SLC8A1: variants seen among roughly 807,000 people sequenced by gnomAD.
The protein encoded by SLC8A1 is solute carrier family 8 member A1.
In SLC8A1, 18 loss-of-function variants were observed where a neutral mutation model predicts 68.3. The observed-to-expected ratio is 0.26, with a 90% CI of 0.18 to 0.39. The LOEUF is 0.39. Ranked by LOEUF, SLC8A1 falls within the 10% of genes least tolerant of loss-of-function variation. The pLI, the probability that SLC8A1 is intolerant of heterozygous loss-of-function variation, is 1.00. For missense variants in SLC8A1, 985 were observed against 1,156.7 expected, an observed-to-expected ratio of 0.85 and a Z score of 2.15; for synonymous variants, 475 against 415.5, an observed-to-expected ratio of 1.14 and a Z score of -1.74.
chr2:40,457,400 G>A (rs1703086371), intron 1 of SLC8A1, among the ~76,000 whole-genome samples: 1 of 152,032 alleles, frequency 6.6e-6, no homozygotes, highest in African/African-American at 2.4e-5. Flanking sequence ...TATCTCCCTC[G>A]CTGTATCTTC....
chr2:40,242,694 A>G (rs946367342), intron 2 of SLC8A1, among the ~76,000 whole-genome samples: 6 of 152,356 alleles, frequency 3.9e-5, no homozygotes, highest in Non-Finnish European at 8.8e-5. Context: ...AAGCAAACCA[A>G]AATCCAGAGA....
intron 2 of SLC8A1, among the ~76,000 whole-genome samples, chr2:40,369,504 G>C (rs1349867984): frequency 6.6e-6 from 1 of 152,068 alleles, no homozygotes; most frequent in African/African-American, 2.4e-5. Flanking sequence ...CTAATGTTAA[G>C]AGTTCTGTCT....
In SLC8A1 at chr2:40,116,300, G is replaced by A. The variant is rs182470501; in HGVS notation, c.2438-671C>T. Among the ~76,000 whole-genome samples the A allele has an allele frequency of 2.6e-5, 4 of 152,018 alleles. No homozygotes were observed. In the East Asian group the frequency reaches 5.8e-4, roughly 22 times the overall value. On this transcript the variant is annotated intron_variant, in intron 7 of 7. Coordinates refer to ENST00000406785, the Ensembl canonical transcript of SLC8A1. ...CTATATTACTGCATTGATTGTGATG[G>A]TACTTTTTTATTATTATTTTTTATT...
At chr2:40,502,716 T>C (rs1706125717) in intron 1 of SLC8A1, among the ~76,000 whole-genome samples, 1 of 152,052 alleles carries the variant, frequency 6.6e-6, no homozygotes, top group Non-Finnish European at 1.5e-5. Flanking sequence ...ACTTAATTAT[T>C]CATCAAACAT....
chr2:40,104,498 T>C (rs1386836982), exon 8 of SLC8A1: 1 of 152,202 alleles, frequency 6.6e-6, no homozygotes, highest in East Asian at 1.9e-4. Flanking sequence ...AATTAATATT[T>C]CTATTTCTGT....
chr2:40,389,265 A>G (rs919314157), intron 2 of SLC8A1, among the ~76,000 whole-genome samples: 4 of 151,930 alleles, frequency 2.6e-5, no homozygotes, highest in Admixed American at 6.6e-5. Context: ...TTTACCCTTT[A>G]TAATGTTGTG....
At chr2:40,188,305 A>C (rs754531813) in intron 2 of SLC8A1, among the ~76,000 whole-genome samples, 57 of 152,220 alleles carry the variant, frequency 3.7e-4, no homozygotes, top group Non-Finnish European at 5.9e-4. Context: ...AAATGTTCAA[A>C]GTTTAAGGTA....
chr2:40,507,526 C>A (rs1467103872), intron 1 of SLC8A1, among the ~76,000 whole-genome samples: 2 of 151,976 alleles, frequency 1.3e-5, no homozygotes, highest in Non-Finnish European at 2.9e-5. Context: ...TTACTCCTTG[C>A]CATAACACTA....
chr2:40,399,655 A>G (rs960705609), intron 2 of SLC8A1, among the ~76,000 whole-genome samples: 1 of 152,186 alleles, frequency 6.6e-6, no homozygotes, highest in Non-Finnish European at 1.5e-5. Context: ...GCTGTGGGAA[A>G]TACTAATATT....
chr2:40,122,448 C>G (rs970600477), intron 7 of SLC8A1, among the ~76,000 whole-genome samples: 1 of 152,172 alleles, frequency 6.6e-6, no homozygotes, highest in South Asian at 2.1e-4. Context: ...ACATGACCTA[C>G]TTTTAGAAGA....
chr2:40,501,752 A>G (rs1706072940), intron 1 of SLC8A1, among the ~76,000 whole-genome samples: 3 of 151,994 alleles, frequency 2.0e-5, no homozygotes, highest in Admixed American at 2.0e-4. Flanking sequence ...TTGCCCACGT[A>G]GTAGGGATCT....
chr2:40,505,583 G>A (rs911935280), intron 1 of SLC8A1, among the ~76,000 whole-genome samples: 4 of 151,938 alleles, frequency 2.6e-5, no homozygotes, highest in African/African-American at 9.7e-5. Flanking sequence ...CACAATAAAT[G>A]TGTGCATGCA....
chr2:40,313,225 A>C (rs575259986), intron 2 of SLC8A1, among the ~76,000 whole-genome samples: 21 of 152,160 alleles, frequency 1.4e-4, no homozygotes, highest in Non-Finnish European at 2.9e-5. Context: ...TCAGGCTTTC[A>C]CTCAGCCTAA....
At chr2:40,311,635 G>A (rs969130725) in intron 2 of SLC8A1, among the ~76,000 whole-genome samples, 1 of 151,970 alleles carries the variant, frequency 6.6e-6, no homozygotes, top group African/African-American at 2.4e-5. Context: ...CATCCATAAA[G>A]TATTGACAAT....
chr2:40,417,752 A>G (rs539790140), intron 2 of SLC8A1, among the ~76,000 whole-genome samples: 1 of 152,202 alleles, frequency 6.6e-6, no homozygotes, highest in Non-Finnish European at 1.5e-5. Flanking sequence ...TGGCCTTTGG[A>G]TGGCACAGTG....
At chr2:40,347,499 T>C (rs532249989) in intron 2 of SLC8A1, among the ~76,000 whole-genome samples, 254 of 152,310 alleles carry the variant, frequency 1.7e-3, no homozygotes, top group Non-Finnish European at 3.2e-3. Flanking sequence ...GTATATGACA[T>C]ACAAGTTACT....
At chr2:40,469,225 T>C (rs1182225370) in intron 1 of SLC8A1, among the ~76,000 whole-genome samples, 2 of 152,164 alleles carry the variant, frequency 1.3e-5, no homozygotes, top group African/African-American at 4.8e-5. Context: ...CCTAGCCGAA[T>C]TTCATATGGA....
intron 1 of SLC8A1, among the ~76,000 whole-genome samples, chr2:40,435,815 G>T (rs143654366): frequency 6.6e-6 from 1 of 151,938 alleles, no homozygotes; most frequent in Non-Finnish European, 1.5e-5. Context: ...TGCTCCTGTC[G>T]CCCAGGCTGG....
At chr2:40,473,393 TCTC>T (rs907444283) in intron 1 of SLC8A1, among the ~76,000 whole-genome samples, 2 of 152,098 alleles carry the variant, frequency 1.3e-5, no homozygotes, top group African/African-American at 2.4e-5. Context: ...CCAGCTAACA[TCTC>T]CTCCTCTCCA....
Sources: gnomAD v4.1 joint callset for allele counts (sites outside exome capture counted in the v4.1 genomes callset) on GRCh38, gnomAD v4.1.1 for gene constraint, MANE v1.5 for transcripts, NCBI Gene and HGNC (gene_info 2026-07-23, HGNC 2026-07-21) for gene names.